GLRA2: variants seen among roughly 807,000 people sequenced by gnomAD.
The protein encoded by GLRA2 is glycine receptor alpha 2, also known as glycine receptor subunit alpha-2.
Under a neutral mutation model 31.6 loss-of-function variants are expected in GLRA2, and 11 were observed. The ratio of observed to expected loss-of-function variants is 0.35; its 90% CI spans 0.22 to 0.58. The LOEUF is 0.58. Among genes scored for constraint, GLRA2 ranks in the 20% least tolerant of loss-of-function variants. The pLI, the probability that GLRA2 is intolerant of heterozygous loss-of-function variation, is 0.84. For missense variants in GLRA2, 212 were observed against 351.8 expected (o/e 0.60, Z 3.18); for synonymous variants, 132 against 134.0 (o/e 0.99, Z 0.10).
intron 7 of GLRA2, among the ~76,000 whole-genome samples, chrX:14,639,131 C>T (rs1193585092): frequency 9.0e-6 from 1 of 111,319 alleles, no homozygotes; most frequent in East Asian, 2.8e-4. Flanking sequence ...TGATATATTC[C>T]GTAAGTAAAG....
At chrX:14,639,565 T>G (rs2090751440) in intron 7 of GLRA2, among the ~76,000 whole-genome samples, 1 of 112,108 alleles carries the variant, frequency 8.9e-6, no homozygotes, top group Non-Finnish European at 1.9e-5. Flanking sequence ...TTAGTGCCAG[T>G]GTGGGAACCC....
intron 2 of GLRA2, among the ~76,000 whole-genome samples, chrX:14,532,818 G>C (rs1023793489): frequency 1.8e-5 from 2 of 111,261 alleles, no homozygotes; most frequent in African/African-American, 6.5e-5. Context: ...ATACTTTCAG[G>C]CCTCTTTAAT....
chrX:14,633,321 C>A (rs1187380502), intron 7 of GLRA2, among the ~76,000 whole-genome samples: 1 of 111,491 alleles, frequency 9.0e-6, no homozygotes, highest in Non-Finnish European at 1.9e-5. Flanking sequence ...CATGATGAGA[C>A]CCTGACTCCA....
intron 7 of GLRA2, among the ~76,000 whole-genome samples, chrX:14,688,914 G>A (rs1370050179): frequency 9.0e-6 from 1 of 111,700 alleles, no homozygotes; most frequent in Non-Finnish European, 1.9e-5. Flanking sequence ...CTGTAGACTG[G>A]AGCTGTTCCT....
At chrX:14,662,101 T>C (rs1020054482) in intron 7 of GLRA2, among the ~76,000 whole-genome samples, 2 of 110,420 alleles carry the variant, frequency 1.8e-5, no homozygotes, top group Non-Finnish European at 1.9e-5. Flanking sequence ...GTTTGGTAGA[T>C]AGAACTGATG....
intron 2 of GLRA2, 45 bp from the exon 3 acceptor site, chrX:14,574,288 T>G: frequency 2.5e-6 from 2 of 811,245 alleles, no homozygotes; most frequent in Non-Finnish European, 3.8e-6. Context: ...TGGAGCTGTA[T>G]TTTTGCTTCA....
chrX:14,691,320 TGTGTGC>T (rs1332913649), intron 8 of GLRA2, among the ~76,000 whole-genome samples: 166 of 60,980 alleles, frequency 2.7e-3, no homozygotes, highest in African/African-American at 9.8e-3. Flanking sequence ...TGTGTGTGTG[TGTGTGC>T]GCGCGTGCGT....
intron 3 of GLRA2, among the ~76,000 whole-genome samples, chrX:14,575,451 C>T (rs2089943919): frequency 9.0e-6 from 1 of 110,555 alleles, no homozygotes; most frequent in African/African-American, 3.3e-5. Flanking sequence ...CCACCTGCCT[C>T]GGCCTACCAA....
chrX:14,695,755 C>T (rs1422495311), intron 8 of GLRA2, among the ~76,000 whole-genome samples: 1 of 111,765 alleles, frequency 8.9e-6, no homozygotes, highest in Non-Finnish European at 1.9e-5. Context: ...TAACTAATAG[C>T]TCCTATCATG....
chrX:14,468,230 C>T, the GLRA2 span, among the ~76,000 whole-genome samples: 3 of 112,269 alleles, frequency 2.7e-5, no homozygotes, highest in South Asian at 7.3e-4. Flanking sequence ...GCCAAAGCTG[C>T]TATTATCTAG....
chrX:14,598,504 C>A (rs1235742194), intron 4 of GLRA2, among the ~76,000 whole-genome samples: 1 of 112,304 alleles, frequency 8.9e-6, no homozygotes, highest in African/African-American at 3.2e-5. Context: ...CCAGCCATGG[C>A]CCTAACTAGT....
At chrX:14,538,776 A>G (rs1001644635) in intron 2 of GLRA2, among the ~76,000 whole-genome samples, 1 of 111,750 alleles carries the variant, frequency 8.9e-6, no homozygotes, top group African/African-American at 3.2e-5. Flanking sequence ...GCCATTTCTG[A>G]TGTATTTTCT....
intron 2 of GLRA2, among the ~76,000 whole-genome samples, chrX:14,570,180 T>A (rs113844954): frequency 2.7e-5 from 3 of 112,074 alleles, no homozygotes; most frequent in African/African-American, 9.7e-5. Context: ...TGGTAATGGT[T>A]GCACAATATT....
intron 2 of GLRA2, among the ~76,000 whole-genome samples, chrX:14,546,856 T>G (rs778732605): frequency 9.0e-6 from 1 of 111,553 alleles, no homozygotes; most frequent in Admixed American, 9.6e-5. Context: ...AGAATATAAT[T>G]ATTACATAAA....
intron 7 of GLRA2, among the ~76,000 whole-genome samples, chrX:14,648,868 C>T (rs1265901992): frequency 2.7e-5 from 3 of 112,040 alleles, no homozygotes; most frequent in Non-Finnish European, 5.6e-5. Flanking sequence ...AATCCTCATG[C>T]ACTTCTGGTG....
At chrX:14,600,441 A>C (rs999419801) in intron 4 of GLRA2, among the ~76,000 whole-genome samples, 1 of 111,217 alleles carries the variant, frequency 9.0e-6, no homozygotes, top group African/African-American at 3.3e-5. Flanking sequence ...ACTATAATGA[A>C]ATTTCCAGAT....
At chrX:14,519,449 C>T in the GLRA2 span, among the ~76,000 whole-genome samples, 4 of 111,869 alleles carry the variant, frequency 3.6e-5, no homozygotes, top group African/African-American at 1.3e-4. Flanking sequence ...ATCATGAAAC[C>T]TTCCAAGGCA....
intron 2 of GLRA2, among the ~76,000 whole-genome samples, chrX:14,557,358 G>A (rs1476514378): frequency 1.0e-4 from 11 of 109,863 alleles, no homozygotes; most frequent in Non-Finnish European, 2.1e-4. Context: ...CTCGTGATCC[G>A]CCCGCCTCGG....
intron 3 of GLRA2, among the ~76,000 whole-genome samples, chrX:14,577,787 C>A (rs1350867366): frequency 9.0e-6 from 1 of 111,590 alleles, no homozygotes; most frequent in Non-Finnish European, 1.9e-5. Flanking sequence ...AGGACACAAA[C>A]ATTCAGTCCA....
Sources: allele counts gnomAD v4.1 joint callset (sites outside exome capture counted in the v4.1 genomes callset), GRCh38; gene constraint gnomAD v4.1.1; transcripts MANE v1.5; gene names NCBI Gene and HGNC (gene_info 2026-07-23, HGNC 2026-07-21).